The following TNNT3 variants were observed in gnomAD, a reference collection of about 807,000 sequenced individuals.
TNNT3 encodes the protein troponin T, fast skeletal muscle.
In TNNT3, 36 loss-of-function variants were observed where a neutral mutation model predicts 54.2. The ratio of observed to expected loss-of-function variants is 0.66; its 90% CI spans 0.51 to 0.88. TNNT3 has a LOEUF of 0.88. Among genes scored for constraint, TNNT3 ranks in the 40% least tolerant of loss-of-function variants. The pLI, the probability that TNNT3 is intolerant of heterozygous loss-of-function variation, is 0.00. For synonymous variants in TNNT3, 120 were observed against 109.7 expected, an observed-to-expected ratio of 1.09 and a Z score of -0.59; for missense variants, 291 against 331.6, an observed-to-expected ratio of 0.88 and a Z score of 0.95.
At chr11:1,921,152 G>A (rs955833873) in intron 1 of TNNT3, among the ~76,000 whole-genome samples, 4 of 152,178 alleles carry the variant, frequency 2.6e-5, no homozygotes, top group African/African-American at 7.2e-5. Context: ...CCTCACCCAC[G>A]TCTTGGGTTT....
chr11:1,935,380 C>A (rs1854688525), intron 14 of TNNT3: 2 of 297,946 alleles, frequency 6.7e-6, no homozygotes, highest in East Asian at 8.5e-5. Context: ...GCCCCGGACA[C>A]CTGCTTCCTC....
chr11:1,931,695 T>TC (rs1491151691), intron 8 of TNNT3, among the ~76,000 whole-genome samples: 1 of 143,742 alleles, frequency 7.0e-6, no homozygotes, highest in Non-Finnish European at 1.5e-5. Context: ...TTTTTTAGTC[T>TC]TTTTTTTTTG....
chr11:1,923,690 C>A, intron 4 of TNNT3, 118 bp downstream of exon 4: 1 of 737,810 alleles, frequency 1.4e-6, no homozygotes, highest in South Asian at 1.4e-5. Context: ...TTGAGCTTGT[C>A]AATCAACCTT....
chr11:1,927,731 T>C (rs2734510), intron 6 of TNNT3: 59,139 of 152,120 alleles, frequency 0.39, 11,646 homozygotes, highest in Middle Eastern at 0.49. Flanking sequence ...CTCCCCGAAA[T>C]TGCTCAGCCT....
chr11:1,924,621 C>T (rs1297226906), intron 4 of TNNT3, among the ~76,000 whole-genome samples: 2 of 152,214 alleles, frequency 1.3e-5, no homozygotes, highest in Non-Finnish European at 1.5e-5. Flanking sequence ...ACGTGGCAGG[C>T]CGGGAGGCCA....
chr11:1,924,523 C>T (rs980961613), intron 4 of TNNT3, among the ~76,000 whole-genome samples: 2 of 152,218 alleles, frequency 1.3e-5, no homozygotes, highest in Non-Finnish European at 2.9e-5. Flanking sequence ...GTGAGCAAAA[C>T]ATTTATTTTT....
At chr11:1,932,385 G>A (rs762709280) in intron 8 of TNNT3, 84 bp from the exon 9 acceptor site, 181 of 1,377,306 alleles carry the variant, frequency 1.3e-4, no homozygotes, top group Non-Finnish European at 1.8e-4. Flanking sequence ...AGGGTTGGCA[G>A]GGGCCAGCGG....
chr11:1,925,816 C>T (rs1471118966), intron 5 of TNNT3, among the ~76,000 whole-genome samples: 3 of 152,180 alleles, frequency 2.0e-5, no homozygotes, highest in African/African-American at 4.8e-5. Flanking sequence ...CCTTGAGGTG[C>T]ACACAGGCTG....
intron 15 of TNNT3, 21 bp from the exon 16 acceptor site, chr11:1,938,417 T>A (rs1855780077): frequency 6.2e-7 from 1 of 1,612,728 alleles, no homozygotes. Context: ...CCCTGAAGGA[T>A]CACTTGCTTC....
chr11:1,934,458 G>C lies in TNNT3; in HGVS notation c.480+13G>C. On this transcript the variant is annotated intron_variant, in intron 12 of 15. Coordinates refer to ENST00000278317, the MANE Select transcript of TNNT3 (RefSeq NM_006757.4). ...CTACCTGGCCAAGGTGTGTGCCGCT[G>C]CTGGGAGCACGGTGGTAGCCTTCAG... 1.2e-6 allele frequency: 2 copies of C among 1,612,582 alleles called. No homozygotes were observed. Among genetic ancestry groups the C allele is most frequent in the East Asian group, 4.5e-5 (2 of 44,882 alleles).
At chr11:1,937,619 A>G (rs1855502723) in intron 15 of TNNT3, among the ~76,000 whole-genome samples, 1 of 152,198 alleles carries the variant, frequency 6.6e-6, no homozygotes, top group Non-Finnish European at 1.5e-5. Context: ...CCAGCTGCAC[A>G]GCCAGTGCCA....
At position 1,934,569 on chromosome 11, in the gene TNNT3, G is replaced by A. The variant is rs1367784766; in HGVS notation, c.504G>A (p.Lys168=). The change falls in exon 13 of 16, where the codon AAG becomes AAA. Residue 168 remains lysine (K), a synonymous_variant. Coordinates refer to ENST00000278317, the MANE Select transcript of TNNT3 (RefSeq NM_006757.4). ...AGGCTGACCAGAAGAGAGGCAAGAA[G>A]CAGACAGCCCGGGAAATGAAGAAGA... ...LAKADQKRGK[K]QTAREMKKKI... The A allele has an allele frequency of 2.6e-5, 42 of 1,609,804 alleles. No individual in the cohort carries two copies. Among genetic ancestry groups the A allele is most frequent in the Non-Finnish European group, 3.5e-5 (41 of 1,178,548 alleles).
chr11:1,937,134 GCCAC>G, intron 15 of TNNT3, 131 bp downstream of exon 15: 1 of 977,866 alleles, frequency 1.0e-6, no homozygotes, highest in Non-Finnish European at 1.6e-6. Flanking sequence ...ACCCGGCCAG[GCCAC>G]CCAGGCCAGC....
intron 11 of TNNT3, 96 bp downstream of exon 11, chr11:1,934,104 A>C: frequency 7.3e-7 from 1 of 1,372,066 alleles, no homozygotes; most frequent in Non-Finnish European, 1.0e-6. Flanking sequence ...CGGGGTTCCC[A>C]TTGTCATTGG....
intron 8 of TNNT3, among the ~76,000 whole-genome samples, chr11:1,931,254 C>T (rs1748854734): frequency 6.6e-6 from 1 of 152,196 alleles, no homozygotes; most frequent in African/African-American, 2.4e-5. Context: ...GGTTGGAAAG[C>T]GTTTTCCATC....
At position 1,922,887 on chromosome 11, in the gene TNNT3, G is replaced by A. The variant is rs369991179; in HGVS notation, c.13G>A (p.Glu5Lys). 63 of 1,613,494 alleles carry A rather than the reference G, an allele frequency of 3.9e-5. No homozygotes were observed. Among genetic ancestry groups the A allele is most frequent in the Non-Finnish European group, 5.0e-5 (59 of 1,180,004 alleles). The change falls in exon 2 of 16, where the codon GAA becomes AAA. Residue 5 changes from glutamate to lysine, a missense_variant. Physicochemically the swap from Glu to Lys is moderately conservative, Grantham distance 56. Transcript: ENST00000278317. ...ACCCACCTTCACCATGTCTGACGAG[G>A]AAGTGTGAGTACCCAGCTGGTGGCT... is the stretch of plus-strand genomic sequence containing the variant. MSDE[E>K]VEQVEEQYEE... is the part of the protein sequence containing the mutation.
At chr11:1,924,992 C>A in intron 4 of TNNT3, 107 bp from the exon 5 acceptor site, 1 of 1,333,688 alleles carries the variant, frequency 7.5e-7, no homozygotes, top group Non-Finnish European at 1.1e-6. Flanking sequence ...CTTCTCCCGG[C>A]CAGCCGGCCT....
chr11:1,922,317 G>A (rs1472599270), intron 1 of TNNT3, among the ~76,000 whole-genome samples: 1 of 152,074 alleles, frequency 6.6e-6, no homozygotes, highest in East Asian at 1.9e-4. Flanking sequence ...TAGGGAAGAG[G>A]GGTTCTCATG....
Position 1,929,807 on chromosome 11 carries a change from C to A in TNNT3, c.107-3C>A. 6.4e-7 allele frequency: 1 copy of A among 1,551,600 alleles called. No homozygotes were observed. The highest frequency in any genetic ancestry group is 8.7e-7 in the Non-Finnish European group (1 of 1,147,112). On this transcript the variant is annotated splice_polypyrimidine_tract_variant and splice_region_variant and intron_variant, in intron 7 of 15. Coordinates refer to ENST00000278317, the MANE Select transcript of TNNT3 (RefSeq NM_006757.4). Reference sequence around the variant, plus strand: ...CTCCCTACGCTGGTGCTGTGTGGACCAGAGGAGAAACCGAGACCCAAGTGA... The same window carrying A: ...CTCCCTACGCTGGTGCTGTGTGGACAAGAGGAGAAACCGAGACCCAAGTGA...
Sources: gnomAD v4.1 joint callset for allele counts (sites outside exome capture counted in the v4.1 genomes callset) on GRCh38, gnomAD v4.1.1 for gene constraint, MANE v1.5 for transcripts, NCBI Gene and HGNC (gene_info 2026-07-23, HGNC 2026-07-21) for gene names.